The following IMPG1 variants were observed in gnomAD, a reference collection of about 807,000 sequenced individuals.
IMPG1 encodes interphotoreceptor matrix proteoglycan of 150 kDa.
A neutral mutation model predicts 92.0 loss-of-function variants in IMPG1; 85 were observed. The ratio of observed to expected loss-of-function variants is 0.92; its 90% CI spans 0.78 to 1.11. IMPG1 has a LOEUF of 1.11. Among genes scored for constraint, IMPG1 ranks in the 50% least tolerant of loss-of-function variants. The pLI, the probability that IMPG1 is intolerant of heterozygous loss-of-function variation, is 0.00. For synonymous variants in IMPG1, 367 were observed against 334.1 expected (o/e 1.10, Z -1.08); for missense variants, 1,022 against 956.0 (o/e 1.07, Z -0.91).
chr6:75,972,108 C>G (rs1487191652), intron 12 of IMPG1, among the ~76,000 whole-genome samples: 1 of 152,096 alleles, frequency 6.6e-6, no homozygotes, highest in Non-Finnish European at 1.5e-5. Flanking sequence ...TCTTCACATA[C>G]AAGAATGTCC....
intron 1 of IMPG1, among the ~76,000 whole-genome samples, chr6:76,061,721 T>G (rs528994869): frequency 6.6e-6 from 1 of 152,218 alleles, no homozygotes; most frequent in Non-Finnish European, 1.5e-5. Flanking sequence ...CTCTTTCTCT[T>G]ATACATTGAA....
rs151294707 is a variant in IMPG1, at chr6:75,956,298, T to A, written c.1292-5204A>T. Among the ~76,000 whole-genome samples, 349 of 152,348 alleles carry A rather than the reference T, an allele frequency of 2.3e-3. 1 individual carries two copies. The highest frequency in any genetic ancestry group is 3.6e-3 in the Non-Finnish European group (244 of 68,024). On this transcript the variant is annotated intron_variant, in intron 12 of 16. Transcript: ENST00000369950. ...AACTTGTTATTGGTCTATTCAAGGA[T>A]TCAACTTCTTCCTGGTTTAGTCTTG...
At chr6:76,062,001 G>A (rs971046319) in intron 1 of IMPG1, among the ~76,000 whole-genome samples, 5 of 152,134 alleles carry the variant, frequency 3.3e-5, no homozygotes, top group South Asian at 2.1e-4. Flanking sequence ...AAACTTAAAA[G>A]AAGCCTTTTG....
At chr6:75,923,771 A>G (rs1279317735) in intron 15 of IMPG1, 65 bp from the exon 16 acceptor site, 3 of 872,690 alleles carry the variant, frequency 3.4e-6, no homozygotes, top group Non-Finnish European at 5.6e-6. Flanking sequence ...TAGTAACTAC[A>G]TCTTTCTACT....
chr6:75,948,194 A>G (rs1170473806), intron 13 of IMPG1, among the ~76,000 whole-genome samples: 1 of 152,192 alleles, frequency 6.6e-6, no homozygotes, highest in Non-Finnish European at 1.5e-5. Flanking sequence ...AGGAAGAACA[A>G]AAAGTGGCTC....
At chr6:76,002,610 A>T (rs1213033536) in intron 12 of IMPG1, among the ~76,000 whole-genome samples, 1 of 151,946 alleles carries the variant, frequency 6.6e-6, no homozygotes, top group Non-Finnish European at 1.5e-5. Context: ...CCCAGAGGAG[A>T]TTGTTGTTCT....
At chr6:76,015,110 T>C (rs1180424649) in intron 7 of IMPG1, among the ~76,000 whole-genome samples, 1 of 152,204 alleles carries the variant, frequency 6.6e-6, no homozygotes, top group Non-Finnish European at 1.5e-5. Context: ...GGCAGCTGTG[T>C]TGAGTTTTCA....
chr6:75,923,824 T>C, intron 15 of IMPG1, 118 bp from the exon 16 acceptor site: 2 of 602,972 alleles, frequency 3.3e-6, no homozygotes, highest in South Asian at 2.1e-5. Flanking sequence ...AGATAGCATA[T>C]TTTTGCAGGT....
chr6:75,998,782 G>A (rs1782939654), intron 12 of IMPG1, among the ~76,000 whole-genome samples: 1 of 152,162 alleles, frequency 6.6e-6, no homozygotes, highest in Non-Finnish European at 1.5e-5. Context: ...TACTATTTTT[G>A]AACAAGTTGG....
chr6:76,026,482 A>T (rs1707271862), intron 4 of IMPG1, among the ~76,000 whole-genome samples: 1 of 152,078 alleles, frequency 6.6e-6, no homozygotes, highest in African/African-American at 2.4e-5. Context: ...TCAAAAAAGG[A>T]GCAGTGAGCA....
intron 14 of IMPG1, among the ~76,000 whole-genome samples, chr6:75,938,697 C>G (rs1781787692): frequency 1.3e-5 from 2 of 152,192 alleles, no homozygotes; most frequent in South Asian, 2.1e-4. Flanking sequence ...CCTGTGATAC[C>G]AACTGCTTAG....
At chr6:76,026,718 TC>T (rs1435177957) in intron 4 of IMPG1, among the ~76,000 whole-genome samples, 4 of 152,252 alleles carry the variant, frequency 2.6e-5, no homozygotes, top group African/African-American at 9.6e-5. Context: ...TGTTTTTTTT[TC>T]TTTTCTCTTC....
chr6:76,001,333 A>G (rs149980624), intron 12 of IMPG1, among the ~76,000 whole-genome samples: 1 of 152,348 alleles, frequency 6.6e-6, no homozygotes, highest in African/African-American at 2.4e-5. Flanking sequence ...TTGTCCAAAC[A>G]ACTCTTAAAA....
intron 7 of IMPG1, among the ~76,000 whole-genome samples, chr6:76,016,419 A>C (rs557775316): frequency 6.6e-6 from 1 of 152,376 alleles, no homozygotes; most frequent in Admixed American, 6.5e-5. Context: ...GTTCCAAAGA[A>C]CAAATGGAAA....
At chr6:75,939,426 C>T (rs1582054602) in intron 14 of IMPG1, among the ~76,000 whole-genome samples, 1 of 152,138 alleles carries the variant, frequency 6.6e-6, no homozygotes, top group Non-Finnish European at 1.5e-5. Flanking sequence ...GTTCAATTCC[C>T]ACCTATGAGT....
chr6:75,987,260 G>A (rs1582087455), intron 12 of IMPG1, among the ~76,000 whole-genome samples: 1 of 151,416 alleles, frequency 6.6e-6, no homozygotes, highest in Non-Finnish European at 1.5e-5. Flanking sequence ...CATTGCCCAG[G>A]AAGATGGGAA....
At chr6:75,961,622 G>A (rs1782213658) in intron 12 of IMPG1, among the ~76,000 whole-genome samples, 1 of 152,170 alleles carries the variant, frequency 6.6e-6, no homozygotes, top group African/African-American at 2.4e-5. Flanking sequence ...CAGAAAAGGG[G>A]ATGGAAGTAC....
chr6:75,930,253 A>G (rs1201324799), intron 15 of IMPG1, among the ~76,000 whole-genome samples: 3 of 152,206 alleles, frequency 2.0e-5, no homozygotes, highest in Non-Finnish European at 4.4e-5. Context: ...ACTGTTATGT[A>G]ATCACTAAAA....
chr6:76,017,069 G>C (rs1783301952), intron 7 of IMPG1, among the ~76,000 whole-genome samples: 1 of 152,082 alleles, frequency 6.6e-6, no homozygotes, highest in Non-Finnish European at 1.5e-5. Context: ...TTGGAGAAGG[G>C]CATTCTAGAC....
Sources: gnomAD v4.1 joint callset for allele counts (sites outside exome capture counted in the v4.1 genomes callset) on GRCh38, gnomAD v4.1.1 for gene constraint, MANE v1.5 for transcripts, NCBI Gene and HGNC (gene_info 2026-07-23, HGNC 2026-07-21) for gene names.